The following NFATC2 variants were observed in gnomAD, a reference collection of about 807,000 sequenced individuals.
NFATC2 encodes nuclear factor of activated T cells 2.
Under a neutral mutation model 87.3 loss-of-function variants are expected in NFATC2, and 22 were observed. That is an observed-to-expected ratio of 0.25 (90% CI 0.18 to 0.36). NFATC2 has a LOEUF of 0.36. NFATC2 is among the 10% of genes least tolerant of loss of function. The pLI is 1.00. For missense variants in NFATC2, 1,149 were observed against 1,259.1 expected (o/e 0.91, Z 1.32); for synonymous variants, 565 against 542.2 (o/e 1.04, Z -0.58).
At chr20:51,398,810 C>G (rs186620978) in intron 9 of NFATC2, 80 bp from the exon 10 acceptor site, 1 of 959,484 alleles carries the variant, frequency 1.0e-6, no homozygotes, top group Non-Finnish European at 1.7e-6. Flanking sequence ...CAACTCATGC[C>G]GATATCATCC....
chr20:51,470,166 A>G (rs1280020137), intron 5 of NFATC2, among the ~76,000 whole-genome samples: 1 of 151,672 alleles, frequency 6.6e-6, no homozygotes, highest in Non-Finnish European at 1.5e-5. Flanking sequence ...GATCCCTCTG[A>G]CCTCTTCCAT....
intron 9 of NFATC2, chr20:51,399,319 ATACTCCTCTCT>A (rs1221980181): frequency 2.0e-5 from 3 of 152,726 alleles, no homozygotes; most frequent in Admixed American, 6.5e-5. Flanking sequence ...ATTGTAAATA[ATACTCCTCTCT>A]ACATGTGTAC....
Position 51,391,396 on chromosome 20 carries a change from T to G in NFATC2, c.*100A>C, listed in dbSNP as rs1404624417. The G allele has an allele frequency of 1.2e-6, 2 of 1,607,376 alleles. No individual in the cohort carries two copies. The highest frequency in any genetic ancestry group is 2.2e-5 in the South Asian group (2 of 90,974). On this transcript the variant is annotated 3_prime_UTR_variant, in exon 11 of 11. Transcript: ENST00000371564. ...AGGTGTCTTGCTATAATGGCTTCTT[T>G]TACGTCTGATTTCTGGCAGGAGGTC...
At chr20:51,396,087 T>C (rs1987084151) in intron 10 of NFATC2, among the ~76,000 whole-genome samples, 2 of 117,958 alleles carry the variant, frequency 1.7e-5, no homozygotes, top group Admixed American at 1.8e-4. Context: ...TATATATATA[T>C]ATATATAAGC....
rs1600630575 is a variant in NFATC2, at chr20:51,391,121, T to C, written c.*375A>G. 1 of 588,598 alleles carries C rather than the reference T, an allele frequency of 1.7e-6. No homozygotes were observed. Among genetic ancestry groups the C allele is most frequent in the East Asian group, 3.3e-5 (1 of 29,982 alleles). The allele number at this position is 588,598 out of a possible 1,614,324, so 36.5% of individuals were successfully genotyped here. On this transcript the variant is annotated 3_prime_UTR_variant, in exon 11 of 11. Coordinates refer to ENST00000371564, the MANE Select transcript of NFATC2 (RefSeq NM_012340.5). Reference sequence around the variant, plus strand: ...GTGTCCTGTCTCATGTAGAATGTGCTTTTGGTCAGCAGGTGCTTACTATTT... The same window carrying C: ...GTGTCCTGTCTCATGTAGAATGTGCCTTTGGTCAGCAGGTGCTTACTATTT...
At chr20:51,443,439 A>T (rs1984637164) in intron 6 of NFATC2, among the ~76,000 whole-genome samples, 1 of 152,228 alleles carries the variant, frequency 6.6e-6, no homozygotes, top group South Asian at 2.1e-4. Context: ...TCCAGGAAAC[A>T]TCTGACCACT....
chr20:51,453,197 C>T (rs1405063010), intron 6 of NFATC2, among the ~76,000 whole-genome samples: 1 of 152,276 alleles, frequency 6.6e-6, no homozygotes, highest in Non-Finnish European at 1.5e-5. Flanking sequence ...TGTCACACCC[C>T]GGTCACATGT....
At chr20:51,469,529 C>T (rs1042515120) in intron 5 of NFATC2, among the ~76,000 whole-genome samples, 1 of 152,130 alleles carries the variant, frequency 6.6e-6, no homozygotes, top group Admixed American at 6.6e-5. Flanking sequence ...CCCGACTCCT[C>T]CTCCCTGCAA....
rs1448569178 is a variant in NFATC2, at chr20:51,475,678, A to T, written c.1333-18T>A. Reference sequence around the variant, plus strand: ...CCATGGAGCTGGTGGGGGAGAAAACAAAATCATTAAGGTGCGGGGTGTGGT... The same window carrying T: ...CCATGGAGCTGGTGGGGGAGAAAACTAAATCATTAAGGTGCGGGGTGTGGT... On this transcript the variant is annotated intron_variant, in intron 3 of 10. Coordinates refer to ENST00000371564, the MANE Select transcript of NFATC2 (RefSeq NM_012340.5). 6 of 1,613,492 alleles carry T rather than the reference A, an allele frequency of 3.7e-6. No homozygotes were observed. The African/African-American group carries it at 8.0e-5, about 22-fold the overall frequency.
chr20:51,479,052 C>T (rs995530999), intron 3 of NFATC2, among the ~76,000 whole-genome samples: 4 of 152,154 alleles, frequency 2.6e-5, no homozygotes, highest in Admixed American at 6.5e-5. Flanking sequence ...TTGGTATGTA[C>T]GTTTCCAGCC....
At chr20:51,396,111 G>C (rs6096404) in intron 10 of NFATC2, among the ~76,000 whole-genome samples, 22 of 135,518 alleles carry the variant, frequency 1.6e-4, no homozygotes, top group Middle Eastern at 3.9e-3. Context: ...TGGCAAAGAA[G>C]AAAAAGCAGG....
At chr20:51,450,786 G>A (rs1264625123) in intron 6 of NFATC2, among the ~76,000 whole-genome samples, 1 of 152,178 alleles carries the variant, frequency 6.6e-6, no homozygotes, top group African/African-American at 2.4e-5. Context: ...CCAATAATAG[G>A]AGCTGTGATT....
intron 3 of NFATC2, among the ~76,000 whole-genome samples, chr20:51,484,412 T>C (rs1274383660): frequency 6.6e-6 from 1 of 152,096 alleles, no homozygotes; most frequent in Non-Finnish European, 1.5e-5. Flanking sequence ...TGACCCCACA[T>C]GTGATAGTTA....
At chr20:51,418,742 A>C (rs1255202064) in intron 9 of NFATC2, among the ~76,000 whole-genome samples, 4 of 145,330 alleles carry the variant, frequency 2.8e-5, no homozygotes, top group Non-Finnish European at 5.9e-5. Flanking sequence ...GTCTCACTGC[A>C]ACCTCTGCCT....
chr20:51,533,116 G>A (rs1206367113), intron 1 of NFATC2, among the ~76,000 whole-genome samples: 1 of 152,242 alleles, frequency 6.6e-6, no homozygotes, highest in Non-Finnish European at 1.5e-5. Context: ...GTAGCCGGAG[G>A]AAAGGGGAGC....
At position 51,432,169 on chromosome 20, in the gene NFATC2, C is replaced by G; in HGVS notation, c.2620G>C (p.Ala874Pro). The G allele has an allele frequency of 2.5e-6, 4 of 1,605,414 alleles. No individual in the cohort carries two copies. The highest frequency in any genetic ancestry group is 3.4e-6 in the Non-Finnish European group (4 of 1,173,888). The change falls in exon 9 of 11, where the codon GCC becomes CCC. Residue 874 changes from alanine (A) to proline (P), a missense_variant. Ala to Pro is a conservative substitution (Grantham distance 27, BLOSUM62 -1). Transcript: ENST00000371564. This position sits in a 1 kb window ranked among gnomAD's most constrained non-coding sequence, Gnocchi z 4.6. ...CTGACCGGGGGTCCGTTTTTGGCGG[C>G]TCTTTGGCTCGTGGCATTCTGCTGC... ...IQQQNATSQRAAKNGPPVSDQ... is the reference protein window; with the variant it reads ...IQQQNATSQRPAKNGPPVSDQ...
At chr20:51,539,681 T>G (rs1295336387) in intron 1 of NFATC2, among the ~76,000 whole-genome samples, 1 of 152,172 alleles carries the variant, frequency 6.6e-6, no homozygotes, top group African/African-American at 2.4e-5. Flanking sequence ...TTATTTTTAT[T>G]AGAGATGAGG....
chr20:51,514,913 G>A (rs6067802), intron 3 of NFATC2, among the ~76,000 whole-genome samples: 1 of 152,156 alleles, frequency 6.6e-6, no homozygotes, highest in Non-Finnish European at 1.5e-5. Context: ...ATTGCTCTCA[G>A]GATTGGACGG....
chr20:51,520,456 C>T (rs1422121059), intron 2 of NFATC2, among the ~76,000 whole-genome samples: 1 of 146,920 alleles, frequency 6.8e-6, no homozygotes, highest in Non-Finnish European at 1.5e-5. Flanking sequence ...TTTTTACAGT[C>T]CATTTCCGTG....
Sources: gnomAD v4.1 joint callset for allele counts (sites outside exome capture counted in the v4.1 genomes callset) on GRCh38, gnomAD v4.1.1 for gene constraint, Gnocchi (gnomAD v3.1) non-coding constraint, MANE v1.5 for transcripts, NCBI Gene and HGNC (gene_info 2026-07-23, HGNC 2026-07-21) for gene names.